Variants in SLC25A37 observed in about 807,000 individuals in gnomAD.
SLC25A37 encodes mitoferrin-1.
A neutral mutation model predicts 31.0 loss-of-function variants in SLC25A37; 17 were observed. The observed-to-expected ratio is 0.55, with a 90% confidence interval of 0.38 to 0.82. The LOEUF (loss-of-function observed/expected upper bound fraction) is 0.82. SLC25A37 is among the 40% of genes least tolerant of loss of function. The pLI is 0.00. For synonymous variants in SLC25A37, 222 were observed against 193.0 expected (o/e 1.15, Z -1.24); for missense variants, 404 against 465.8 (o/e 0.87, Z 1.22).
In SLC25A37 at chr8:23,545,321, C is replaced by T. The variant is rs564826783; in HGVS notation, c.210+16109C>T. 1.5e-3 allele frequency among the ~76,000 whole-genome samples: 223 copies of T among 152,330 alleles called. 1 individual carries two copies. Among genetic ancestry groups the T allele is most frequent in the African/African-American group, 5.2e-3 (218 of 41,574 alleles). On this transcript the variant is annotated intron_variant, in intron 1 of 3. Transcript: ENST00000519973. ...GACACTTTCCTGTCCTCTCTCTTTC[C>T]TTGTAGCCTTCCTCTCTCAGAGATG...
Position 23,529,315 on chromosome 8 carries a change from G to A in SLC25A37, c.210+103G>A. 8.3e-7 allele frequency: 1 copy of A among 1,204,016 alleles called. No homozygotes were observed. The highest frequency in any genetic ancestry group is 1.1e-6 in the Non-Finnish European group (1 of 879,720). The allele number at this position is 1,204,016 out of a possible 1,614,324, so 74.6% of individuals were successfully genotyped here. ...AGCCTCGGGGCAGCGTCCCGAAACC[G>A]AGCTCTCCCCAGGACCGCGGCTGGC... On this transcript the variant is annotated intron_variant, in intron 1 of 3. Coordinates refer to ENST00000519973, the MANE Select transcript of SLC25A37 (RefSeq NM_016612.4). The surrounding 1 kb of genome is among the most constrained non-coding windows in gnomAD (Gnocchi z 4.1).
In SLC25A37 at chr8:23,573,844, G is replaced by A. The variant is rs1279867830; in HGVS notation, c.*1989G>A. ...CTCTGCCCCCCACTCCCCAAAACCA[G>A]TTGCAGCCTCAACCCACATGGGGAT... is the stretch of plus-strand genomic sequence containing the variant. On this transcript the variant is annotated 3_prime_UTR_variant, in exon 4 of 4. Transcript: ENST00000519973. 2.2e-6 allele frequency: 1 copy of A among 456,684 alleles called. No homozygotes were observed. Among genetic ancestry groups the A allele is most frequent in the Non-Finnish European group, 4.4e-6 (1 of 226,960 alleles). The allele number at this position is 456,684 out of a possible 1,614,324, so 28.3% of individuals were successfully genotyped here. A position where few individuals can be genotyped will look rare whatever the true frequency, so the allele number is the denominator to read the frequency against.
intron 1 of SLC25A37, among the ~76,000 whole-genome samples, chr8:23,551,344 G>A (rs1352941413): frequency 6.6e-6 from 1 of 152,156 alleles, no homozygotes; most frequent in Non-Finnish European, 1.5e-5. Flanking sequence ...CCCTTAGGGG[G>A]CCACCAGGTG....
intron 1 of SLC25A37, among the ~76,000 whole-genome samples, chr8:23,537,773 G>C (rs1021269426): frequency 6.6e-6 from 1 of 152,142 alleles, no homozygotes; most frequent in African/African-American, 2.4e-5. Context: ...GATTGGAGTG[G>C]AAGATCCAGC....
At chr8:23,569,951 G>C (rs890526381) in intron 3 of SLC25A37, among the ~76,000 whole-genome samples, 3 of 152,206 alleles carry the variant, frequency 2.0e-5, no homozygotes, top group Admixed American at 6.5e-5. Context: ...AACATTTTAA[G>C]TCTCATGCTA....
chr8:23,541,177 T>C (rs985735886), intron 1 of SLC25A37, among the ~76,000 whole-genome samples: 1 of 151,982 alleles, frequency 6.6e-6, no homozygotes. Flanking sequence ...AGACAGGGGA[T>C]AGTAGTGGCT....
intron 1 of SLC25A37, among the ~76,000 whole-genome samples, chr8:23,536,934 G>T (rs913553769): frequency 5.9e-5 from 9 of 152,140 alleles, no homozygotes; most frequent in African/African-American, 2.2e-4. Flanking sequence ...AGTGGCTCAC[G>T]CCTGTAATCC....
intron 2 of SLC25A37, chr8:23,566,539 C>T (rs572216090): frequency 7.5e-7 from 1 of 1,327,920 alleles, no homozygotes; most frequent in Non-Finnish European, 9.6e-7. Context: ...TTTCTGTTCC[C>T]CTCCGCTTTC....
At chr8:23,540,905 T>G (rs1376445379) in intron 1 of SLC25A37, among the ~76,000 whole-genome samples, 2 of 152,208 alleles carry the variant, frequency 1.3e-5, no homozygotes, top group Admixed American at 1.3e-4. Flanking sequence ...AAGCTCTCTG[T>G]GCAGGTGCTA....
At chr8:23,548,133 C>A (rs1029515822) in intron 1 of SLC25A37, among the ~76,000 whole-genome samples, 11 of 152,186 alleles carry the variant, frequency 7.2e-5, no homozygotes, top group Non-Finnish European at 7.4e-5. Flanking sequence ...GTAGATTTCG[C>A]AGTGAGAAAC....
intron 1 of SLC25A37, among the ~76,000 whole-genome samples, chr8:23,563,413 C>T (rs1391252780): frequency 6.6e-6 from 1 of 152,210 alleles, no homozygotes; most frequent in East Asian, 1.9e-4. Context: ...TCTCAAACTC[C>T]TGGCCTCAAG....
intron 1 of SLC25A37, among the ~76,000 whole-genome samples, chr8:23,540,420 G>A (rs888678778): frequency 6.6e-6 from 1 of 152,196 alleles, no homozygotes; most frequent in African/African-American, 2.4e-5. Context: ...CCAGAGTTGA[G>A]TCGAGGGAGT....
At chr8:23,531,503 CCCATCGT>C (rs1801660256) in intron 1 of SLC25A37, among the ~76,000 whole-genome samples, 1 of 152,206 alleles carries the variant, frequency 6.6e-6, no homozygotes, top group Non-Finnish European at 1.5e-5. Context: ...ACACACAACA[CCCATCGT>C]CCTCTTTTAT....
intron 1 of SLC25A37, among the ~76,000 whole-genome samples, chr8:23,553,295 G>A (rs1454948521): frequency 4.6e-5 from 7 of 152,126 alleles, no homozygotes; most frequent in African/African-American, 7.2e-5. Context: ...GGTAGCATGC[G>A]CCTGTAATCC....
In SLC25A37 at chr8:23,529,404, G is replaced by C. The variant is rs1585437163; in HGVS notation, c.210+192G>C. ...CCGCGCCTTCCGCCGACCCCGCGAG[G>C]GTGCCCGGTCCTCGCCCCGCACCGC... On this transcript the variant is annotated intron_variant, in intron 1 of 3. Coordinates refer to ENST00000519973, the MANE Select transcript of SLC25A37 (RefSeq NM_016612.4). The surrounding 1 kb of genome is among the most constrained non-coding windows in gnomAD (Gnocchi z 4.1). 6.6e-6 allele frequency among the ~76,000 whole-genome samples: 1 copy of C among 151,530 alleles called. No homozygotes were observed. The highest frequency in any genetic ancestry group is 6.6e-5 in the Admixed American group (1 of 15,218).
rs1161092145 is a variant in SLC25A37 at position 23,546,541 on chromosome 8, A to G, written c.210+17329A>G. ...TATATATATATAGGTGTATATATAT[A>G]TATATATATATAGTGTATATATATA... is the stretch of plus-strand genomic sequence containing the variant. On this transcript the variant is annotated intron_variant, in intron 1 of 3. Transcript: ENST00000519973. 2.8e-3 allele frequency among the ~76,000 whole-genome samples: 64 copies of G among 22,744 alleles called. 3 individuals carry two copies. Among genetic ancestry groups the G allele is most frequent in the African/African-American group, 0.019 (55 of 2,882 alleles). 14.9% of individuals were successfully genotyped at this position (22,744 alleles called of 152,430 possible).
At chr8:23,547,449 G>T (rs1802098438) in intron 1 of SLC25A37, among the ~76,000 whole-genome samples, 1 of 152,192 alleles carries the variant, frequency 6.6e-6, no homozygotes, top group Non-Finnish European at 1.5e-5. Context: ...AAAAACACTT[G>T]TCTACATCTT....
At chr8:23,564,881 A>G (rs1248268493) in intron 1 of SLC25A37, among the ~76,000 whole-genome samples, 1 of 152,042 alleles carries the variant, frequency 6.6e-6, no homozygotes, top group East Asian at 1.9e-4. Context: ...CTGTCTGTCT[A>G]CCTACCTACC....
At chr8:23,569,402 T>TACAC (rs10608830) in intron 3 of SLC25A37, among the ~76,000 whole-genome samples, 30,250 of 150,140 alleles carry the variant, frequency 0.2, 3,687 homozygotes, top group Non-Finnish European at 0.28. Flanking sequence ...TATGTGTGCA[T>TACAC]ACACACACAC....
Sources: allele counts gnomAD v4.1 joint callset (sites outside exome capture counted in the v4.1 genomes callset), GRCh38; gene constraint gnomAD v4.1.1; non-coding constraint Gnocchi (gnomAD v3.1); transcripts MANE v1.5; gene names NCBI Gene and HGNC (gene_info 2026-07-23, HGNC 2026-07-21).